Variants in GADL1 observed in about 807,000 individuals in gnomAD.
GADL1 encodes the protein acidic amino acid decarboxylase GADL1.
In GADL1, 71 loss-of-function variants were observed where a neutral mutation model predicts 69.5. The ratio of observed to expected loss-of-function variants is 1.02; its 90% CI spans 0.84 to 1.25. The LOEUF is 1.25. Among genes scored for constraint, GADL1 ranks in the 50% most tolerant of loss-of-function variants. The pLI is 0.00. For missense variants in GADL1, 737 were observed against 631.8 expected (o/e 1.17, Z -1.79); for synonymous variants, 254 against 214.4 (o/e 1.18, Z -1.62).
chr3:30,789,216 T>A (rs924687532), intron 12 of GADL1, among the ~76,000 whole-genome samples: 2 of 152,226 alleles, frequency 1.3e-5, no homozygotes, highest in Admixed American at 1.3e-4. Flanking sequence ...TTAGCAAGCA[T>A]GGAAACAATA....
chr3:30,892,249 G>A (rs1421644125), intron 1 of GADL1, among the ~76,000 whole-genome samples: 2 of 152,128 alleles, frequency 1.3e-5, no homozygotes, highest in Non-Finnish European at 1.5e-5. Context: ...GATTCCCTAT[G>A]GTATTCTTCC....
chr3:30,747,039 C>T (rs947164256), intron 14 of GADL1, among the ~76,000 whole-genome samples: 1 of 152,156 alleles, frequency 6.6e-6, no homozygotes, highest in Admixed American at 6.5e-5. Context: ...TTATAGCAGA[C>T]ATATAGGGAT....
intron 1 of GADL1, among the ~76,000 whole-genome samples, chr3:30,888,315 G>T (rs924165032): frequency 6.6e-6 from 1 of 152,046 alleles, no homozygotes; most frequent in Non-Finnish European, 1.5e-5. Context: ...TCCTCATCTG[G>T]GTGGTGGTTA....
At chr3:30,799,518 G>C (rs1415422487) in intron 12 of GADL1, 1 of 152,048 alleles carries the variant, frequency 6.6e-6, no homozygotes, top group East Asian at 1.9e-4. Flanking sequence ...TAGGCTTCTG[G>C]GTCTGATGGG....
chr3:30,817,394 C>T (rs1430027487), intron 11 of GADL1, among the ~76,000 whole-genome samples: 2 of 152,164 alleles, frequency 1.3e-5, no homozygotes, highest in Non-Finnish European at 2.9e-5. Flanking sequence ...TAAGTCATTT[C>T]CTCAATCACA....
At chr3:30,755,165 C>G (rs988746120) in intron 14 of GADL1, among the ~76,000 whole-genome samples, 2 of 152,138 alleles carry the variant, frequency 1.3e-5, no homozygotes, top group Non-Finnish European at 2.9e-5. Context: ...GACCTCCCAC[C>G]ACAAAAACTA....
intron 14 of GADL1, among the ~76,000 whole-genome samples, chr3:30,776,795 T>TC (rs749806582): frequency 1.3e-5 from 2 of 152,160 alleles, no homozygotes; most frequent in Non-Finnish European, 2.9e-5. Flanking sequence ...CCCATGACCC[T>TC]CCCTCTGCCT....
At chr3:30,729,485 G>A (rs1695422632) in intron 14 of GADL1, among the ~76,000 whole-genome samples, 1 of 152,154 alleles carries the variant, frequency 6.6e-6, no homozygotes, top group African/African-American at 2.4e-5. Flanking sequence ...CCAGAAGGGA[G>A]GAGTACATAT....
intron 1 of GADL1, among the ~76,000 whole-genome samples, chr3:30,865,675 G>A (rs567803629): frequency 6.6e-6 from 1 of 152,154 alleles, no homozygotes; most frequent in South Asian, 2.1e-4. Context: ...GGAACAGTCA[G>A]CAAGGCAAAC....
At chr3:30,842,553 A>G (rs1432653358) in intron 8 of GADL1, among the ~76,000 whole-genome samples, 4 of 152,054 alleles carry the variant, frequency 2.6e-5, no homozygotes, top group Admixed American at 6.6e-5. Flanking sequence ...GGGAATGGAG[A>G]AAGGGAGGAA....
At chr3:30,784,480 G>A (rs538830069) in intron 13 of GADL1, among the ~76,000 whole-genome samples, 1 of 152,238 alleles carries the variant, frequency 6.6e-6, no homozygotes, top group African/African-American at 2.4e-5. Flanking sequence ...ATTTTGGTAT[G>A]CATGCAAGAT....
intron 13 of GADL1, among the ~76,000 whole-genome samples, chr3:30,781,434 C>CT (rs1196079546): frequency 6.6e-6 from 1 of 152,104 alleles, no homozygotes; most frequent in Non-Finnish European, 1.5e-5. Context: ...GTAACAAAAG[C>CT]TAAAGCTAGC....
chr3:30,892,939 C>A (rs1232606025), intron 1 of GADL1, among the ~76,000 whole-genome samples: 1 of 152,208 alleles, frequency 6.6e-6, no homozygotes, highest in Non-Finnish European at 1.5e-5. Flanking sequence ...TCACTGCAGG[C>A]TCCGCCTCCC....
chr3:30,756,846 G>T (rs59966076), intron 14 of GADL1, among the ~76,000 whole-genome samples: 3,718 of 152,232 alleles, frequency 0.024, 164 homozygotes, highest in African/African-American at 0.085. Context: ...GATCCATCCA[G>T]ATTCATTAGG....
chr3:30,809,310 G>A (rs1270386894), intron 11 of GADL1, among the ~76,000 whole-genome samples: 8 of 151,990 alleles, frequency 5.3e-5, no homozygotes, highest in East Asian at 1.9e-4. Context: ...AAAATCATCC[G>A]GTTTGCATAC....
rs376222600 is a variant in GADL1 at position 30,835,485 on chromosome 3, TA to T, written c.904-1205del. Among the ~76,000 whole-genome samples, 435 of 152,146 alleles carry T rather than the reference TA, an allele frequency of 2.9e-3. 3 individuals carry two copies. Among genetic ancestry groups the T allele is most frequent in the African/African-American group, 0.01 (425 of 41,536 alleles). ...GTATTACAAAATTTGGGCCCATTGG[TA>T]GCCAATAACAAGAAAGTACAGCACA... On this transcript the variant is annotated intron_variant, in intron 9 of 14. Coordinates refer to ENST00000282538, the MANE Select transcript of GADL1 (RefSeq NM_207359.3).
At chr3:30,836,255 C>A (rs76874115) in intron 9 of GADL1, among the ~76,000 whole-genome samples, 15 of 152,102 alleles carry the variant, frequency 9.9e-5, no homozygotes, top group African/African-American at 3.6e-4. Flanking sequence ...TCCACTGCTT[C>A]TCCAAAAAGG....
At chr3:30,841,974 T>A (rs1697972857) in intron 8 of GADL1, among the ~76,000 whole-genome samples, 1 of 152,152 alleles carries the variant, frequency 6.6e-6, no homozygotes, top group African/African-American at 2.4e-5. Flanking sequence ...GGTGAGCACT[T>A]AGGGTCTCAA....
intron 14 of GADL1, among the ~76,000 whole-genome samples, chr3:30,751,370 A>C (rs916659325): frequency 6.6e-6 from 1 of 151,858 alleles, no homozygotes; most frequent in African/African-American, 2.4e-5. Context: ...CTATTCTGTG[A>C]GTTGTCTTCG....
Sources: gnomAD v4.1 joint callset for allele counts (sites outside exome capture counted in the v4.1 genomes callset) on GRCh38, gnomAD v4.1.1 for gene constraint, MANE v1.5 for transcripts, NCBI Gene and HGNC (gene_info 2026-07-23, HGNC 2026-07-21) for gene names.